The following HS6ST3 variants were observed in gnomAD, a reference collection of about 807,000 sequenced individuals.
The protein encoded by HS6ST3 is heparan sulfate 6-O-sulfotransferase 3.
A neutral mutation model predicts 36.7 loss-of-function variants in HS6ST3; 12 were observed. The observed-to-expected ratio is 0.33, with a 90% CI of 0.21 to 0.53. The LOEUF is 0.53. Ranked by LOEUF, HS6ST3 falls within the 20% of genes least tolerant of loss-of-function variation. The pLI is 0.95. For synonymous variants in HS6ST3, 240 were observed against 257.5 expected (o/e 0.93, Z 0.65); for missense variants, 584 against 640.9 (o/e 0.91, Z 0.96).
At chr13:96,156,925 G>C (rs1237707842) in intron 1 of HS6ST3, among the ~76,000 whole-genome samples, 1 of 152,210 alleles carries the variant, frequency 6.6e-6, no homozygotes, top group Non-Finnish European at 1.5e-5. Flanking sequence ...CCATATGTCA[G>C]TGAGCCAAGG....
intron 1 of HS6ST3, among the ~76,000 whole-genome samples, chr13:96,561,521 CA>C (rs1272636787): frequency 6.6e-6 from 1 of 151,886 alleles, no homozygotes; most frequent in Non-Finnish European, 1.5e-5. Context: ...TCAATAAAAA[CA>C]AAAATTGACA....
intron 1 of HS6ST3, among the ~76,000 whole-genome samples, chr13:96,606,202 C>T (rs530883027): frequency 6.6e-6 from 1 of 152,252 alleles, no homozygotes; most frequent in South Asian, 2.1e-4. Context: ...CCATTGGACC[C>T]AGCAATCCCA....
intron 1 of HS6ST3, among the ~76,000 whole-genome samples, chr13:96,113,689 T>C (rs1782381708): frequency 6.6e-6 from 1 of 152,182 alleles, no homozygotes; most frequent in South Asian, 2.1e-4. Context: ...CATTGCTGGT[T>C]TTTGGAAAGG....
At chr13:96,401,998 A>G (rs974032318) in intron 1 of HS6ST3, among the ~76,000 whole-genome samples, 4 of 152,144 alleles carry the variant, frequency 2.6e-5, no homozygotes, top group Non-Finnish European at 2.9e-5. Context: ...TTTTGAGATG[A>G]TGTCTCACTA....
chr13:96,665,941 T>C (rs141046043), intron 1 of HS6ST3, among the ~76,000 whole-genome samples: 23 of 152,266 alleles, frequency 1.5e-4, no homozygotes, highest in Middle Eastern at 3.4e-3. Context: ...CTAAGCCTTT[T>C]TGAGTAAACT....
intron 1 of HS6ST3, among the ~76,000 whole-genome samples, chr13:96,478,918 A>G (rs918231233): frequency 2.6e-5 from 4 of 152,174 alleles, no homozygotes; most frequent in African/African-American, 9.7e-5. Flanking sequence ...CTTCTGTCCT[A>G]TACCTTTGGA....
At chr13:96,789,488 C>G (rs1877728434) in intron 1 of HS6ST3, among the ~76,000 whole-genome samples, 1 of 151,842 alleles carries the variant, frequency 6.6e-6, no homozygotes, top group African/African-American at 2.4e-5. Flanking sequence ...ATCATATTAA[C>G]CAGGTTATCT....
chr13:96,097,825 C>T (rs1244940972), intron 1 of HS6ST3, among the ~76,000 whole-genome samples: 1 of 152,144 alleles, frequency 6.6e-6, no homozygotes, highest in African/African-American at 2.4e-5. Flanking sequence ...ATAAAGTGCC[C>T]AGCATAGAGA....
At chr13:96,436,698 T>C (rs1426984759) in intron 1 of HS6ST3, among the ~76,000 whole-genome samples, 1 of 152,142 alleles carries the variant, frequency 6.6e-6, no homozygotes, top group African/African-American at 2.4e-5. Context: ...GAAAAGGCCA[T>C]GTGAGGACAT....
At chr13:96,549,089 T>C (rs987051360) in intron 1 of HS6ST3, among the ~76,000 whole-genome samples, 1 of 152,202 alleles carries the variant, frequency 6.6e-6, no homozygotes, top group Non-Finnish European at 1.5e-5. Context: ...ACGGTGCAGT[T>C]TGAGGTACAT....
intron 1 of HS6ST3, among the ~76,000 whole-genome samples, chr13:96,429,582 T>A (rs1296417637): frequency 1.3e-5 from 2 of 152,196 alleles, no homozygotes; most frequent in Non-Finnish European, 2.9e-5. Context: ...TCCCTAGACA[T>A]GTCTAAAGAG....
chr13:96,498,366 GCTT>G (rs1050402124), intron 1 of HS6ST3, among the ~76,000 whole-genome samples: 24 of 152,140 alleles, frequency 1.6e-4, no homozygotes, highest in African/African-American at 5.3e-4. Context: ...AGACCTTGAG[GCTT>G]CTTCTTCCAT....
intron 1 of HS6ST3, among the ~76,000 whole-genome samples, chr13:96,200,621 A>G (rs1468335101): frequency 6.6e-6 from 1 of 151,940 alleles, no homozygotes; most frequent in Non-Finnish European, 1.5e-5. Flanking sequence ...TTTTATAACT[A>G]TATTATTTTT....
intron 1 of HS6ST3, among the ~76,000 whole-genome samples, chr13:96,738,021 C>T (rs914320197): frequency 6.6e-6 from 1 of 152,214 alleles, no homozygotes; most frequent in Admixed American, 6.5e-5. Flanking sequence ...AAGATCGTTA[C>T]ATTATTCACA....
intron 1 of HS6ST3, among the ~76,000 whole-genome samples, chr13:96,520,803 T>A (rs182545213): frequency 3.9e-5 from 6 of 152,328 alleles, no homozygotes; most frequent in African/African-American, 1.4e-4. Context: ...CAGAAACAAT[T>A]TGACTTTCTC....
chr13:96,317,354 ATATATATATATATAAAATTATAT>A lies in HS6ST3; in HGVS notation c.707+225786_707+225808del, dbSNP rs2054978281. Among the ~76,000 whole-genome samples the A allele has an allele frequency of 8.7e-5, 3 of 34,398 alleles. 1 individual carries two copies. Among genetic ancestry groups the A allele is most frequent in the Non-Finnish European group, 1.8e-4 (3 of 16,956 alleles). The allele number at this position is 34,398 out of a possible 152,430, so 22.6% of individuals were successfully genotyped here. A position where few individuals can be genotyped will look rare whatever the true frequency, so the allele number is the denominator to read the frequency against. On this transcript the variant is annotated intron_variant, in intron 1 of 1. Transcript: ENST00000376705. ...TATATATATATATATATATATATATATATATATATATATAAAATTATATATATATATATATATATATCATGGAA... is the reference window on the plus strand; with the variant it reads ...TATATATATATATATATATATATATAATATATATATATATATATCATGGAA...
At chr13:96,552,151 G>A (rs189348772) in intron 1 of HS6ST3, among the ~76,000 whole-genome samples, 4 of 152,294 alleles carry the variant, frequency 2.6e-5, no homozygotes, top group Non-Finnish European at 4.4e-5. Flanking sequence ...CAGTGTGCAC[G>A]TATTTATTGC....
At chr13:96,578,808 C>A (rs1441106079) in intron 1 of HS6ST3, among the ~76,000 whole-genome samples, 1 of 152,096 alleles carries the variant, frequency 6.6e-6, no homozygotes, top group African/African-American at 2.4e-5. Context: ...CATGAGCCAC[C>A]GGGCCCGGCC....
At chr13:96,301,435 C>T (rs937333151) in intron 1 of HS6ST3, among the ~76,000 whole-genome samples, 2 of 152,096 alleles carry the variant, frequency 1.3e-5, no homozygotes, top group Non-Finnish European at 2.9e-5. Flanking sequence ...GTAGGGGTGG[C>T]AAAGTGCAAT....
Sources: gnomAD v4.1 joint callset for allele counts (sites outside exome capture counted in the v4.1 genomes callset) on GRCh38, gnomAD v4.1.1 for gene constraint, MANE v1.5 for transcripts, NCBI Gene and HGNC (gene_info 2026-07-23, HGNC 2026-07-21) for gene names.